RNF6: variants seen among roughly 807,000 people sequenced by gnomAD.
The protein encoded by RNF6 is E3 ubiquitin-protein ligase RNF6.
RNF6 carries 21 observed loss-of-function variants against 50.1 expected under a neutral mutation model. The ratio of observed to expected loss-of-function variants is 0.42; its 90% CI spans 0.30 to 0.60. RNF6 has a LOEUF of 0.60. RNF6 is among the 20% of genes least tolerant of loss of function. RNF6 has a pLI of 0.20. For missense variants in RNF6, 698 were observed against 838.2 expected, an observed-to-expected ratio of 0.83 and a Z score of 2.07; for synonymous variants, 255 against 291.8, an observed-to-expected ratio of 0.87 and a Z score of 1.29.
At chr13:26,203,372 G>A (rs1164137789) in intron 5 of RNF6, among the ~76,000 whole-genome samples, 1 of 152,256 alleles carries the variant, frequency 6.6e-6, no homozygotes, top group Admixed American at 6.5e-5. Flanking sequence ...TGGTTTGGGA[G>A]AGCAAAGGAG....
intron 5 of RNF6, among the ~76,000 whole-genome samples, chr13:26,137,990 C>G (rs1242575268): frequency 6.6e-6 from 1 of 152,072 alleles, no homozygotes; most frequent in Non-Finnish European, 1.5e-5. Context: ...AATCTACACA[C>G]CCAAGAAGCT....
At chr13:26,179,435 C>T (rs1337397135) in intron 5 of RNF6, among the ~76,000 whole-genome samples, 1 of 152,078 alleles carries the variant, frequency 6.6e-6, no homozygotes, top group African/African-American at 2.4e-5. Context: ...CTGAGAGACC[C>T]CAAAAGCACT....
upstream of RNF6, chr13:26,222,678 CAAGGT>C (rs1870636005): frequency 1.3e-5 from 2 of 152,268 alleles, no homozygotes; most frequent in Non-Finnish European, 2.9e-5. Flanking sequence ...CTATTTGAGA[CAAGGT>C]CTCATCCTGT....
chr13:26,177,287 C>T (rs1008109454), intron 5 of RNF6, among the ~76,000 whole-genome samples: 3 of 152,172 alleles, frequency 2.0e-5, no homozygotes, highest in African/African-American at 7.2e-5. Flanking sequence ...TCATTGACTC[C>T]CATTCACTCC....
At chr13:26,188,418 A>T (rs564411968) in intron 5 of RNF6, among the ~76,000 whole-genome samples, 1 of 152,298 alleles carries the variant, frequency 6.6e-6, no homozygotes, top group South Asian at 2.1e-4. Flanking sequence ...AAACGCACTG[A>T]TCACTGTTGA....
At chr13:26,198,561 G>C (rs1317825478) in intron 5 of RNF6, among the ~76,000 whole-genome samples, 2 of 151,818 alleles carry the variant, frequency 1.3e-5, no homozygotes, top group African/African-American at 4.9e-5. Flanking sequence ...AATAGTGAAA[G>C]ACTGAATGCT....
intron 5 of RNF6, among the ~76,000 whole-genome samples, chr13:26,179,274 A>G (rs901442160): frequency 2.0e-5 from 3 of 152,212 alleles, no homozygotes; most frequent in Non-Finnish European, 2.9e-5. Context: ...CACTCGCATA[A>G]CAAGTCAGGC....
intron 5 of RNF6, among the ~76,000 whole-genome samples, chr13:26,169,498 G>A (rs1402612237): frequency 7.2e-5 from 11 of 152,148 alleles, no homozygotes; most frequent in Non-Finnish European, 2.9e-5. Context: ...ACAGGCCCCT[G>A]ACCTACCTTT....
intron 5 of RNF6, among the ~76,000 whole-genome samples, chr13:26,162,988 A>G (rs1872278880): frequency 6.6e-6 from 1 of 152,246 alleles, no homozygotes. Flanking sequence ...AGATAATGAA[A>G]TCACACACTT....
At chr13:26,161,476 G>C (rs1872211029) in intron 5 of RNF6, among the ~76,000 whole-genome samples, 1 of 151,946 alleles carries the variant, frequency 6.6e-6, no homozygotes, top group Non-Finnish European at 1.5e-5. Context: ...CATTTATTTA[G>C]GTCCCCTTTG....
intron 5 of RNF6, among the ~76,000 whole-genome samples, chr13:26,205,653 C>G (rs1054705603): frequency 2.6e-5 from 4 of 152,220 alleles, no homozygotes; most frequent in African/African-American, 9.7e-5. Context: ...ACAAACAACT[C>G]TACTATCAAC....
At chr13:26,185,152 A>G (rs1187682111) in intron 5 of RNF6, among the ~76,000 whole-genome samples, 2 of 151,956 alleles carry the variant, frequency 1.3e-5, no homozygotes, top group African/African-American at 4.8e-5. Flanking sequence ...GCACACCACC[A>G]TGCCCGGCTA....
exon 6 of RNF6, chr13:26,132,441 T>C (rs768300834): frequency 2.2e-6 from 1 of 460,502 alleles, no homozygotes; most frequent in South Asian, 1.5e-5. Context: ...TCAGCTTGTA[T>C]CTGGCAAAGC....
At chr13:26,204,891 C>T (rs945621878) in intron 5 of RNF6, among the ~76,000 whole-genome samples, 5 of 152,098 alleles carry the variant, frequency 3.3e-5, no homozygotes, top group Admixed American at 6.5e-5. Flanking sequence ...CTGAATCTGC[C>T]GCTCTCTCTG....
At chr13:26,208,662 T>C (rs1162266134), downstream of RNF6, among the ~76,000 whole-genome samples, 1 of 152,196 alleles carries the variant, frequency 6.6e-6, no homozygotes, top group East Asian at 1.9e-4. Flanking sequence ...CAGGAACACC[T>C]AGTCATTCAG....
intron 5 of RNF6, among the ~76,000 whole-genome samples, chr13:26,140,747 A>G (rs1041336500): frequency 2.0e-5 from 3 of 152,200 alleles, no homozygotes; most frequent in African/African-American, 2.4e-5. Flanking sequence ...AAGACTAACA[A>G]AAAGCTCCTA....
chr13:26,220,661 T>C (rs572129684), intron 2 of RNF6, among the ~76,000 whole-genome samples: 159 of 152,312 alleles, frequency 1.0e-3, no homozygotes, highest in Non-Finnish European at 1.9e-3. Context: ...CCAGGTCTGC[T>C]GTTAAGAGCT....
intron 5 of RNF6, among the ~76,000 whole-genome samples, chr13:26,150,581 T>G (rs954475748): frequency 2.0e-5 from 3 of 152,178 alleles, no homozygotes; most frequent in African/African-American, 7.2e-5. Context: ...GATACTATCA[T>G]AGTTCTTATG....
At position 26,142,062 on chromosome 13, in the gene RNF6, G is replaced by T. The variant is rs301071; in HGVS notation, n.769-9611C>A. ...ACCCAAATAACCCCATTAAAACGTG[G>T]GCTAAGAACATGAACAGACACTTCT... On this transcript the variant is annotated intron_variant and non_coding_transcript_variant, in intron 5 of 5. Coordinates refer to the RNF6 transcript ENST00000468480. Among the ~76,000 whole-genome samples the T allele has an allele frequency of 8.5e-3, 1,293 of 152,064 alleles. 21 individuals carry two copies. Among genetic ancestry groups the T allele is most frequent in the African/African-American group, 0.029 (1,221 of 41,498 alleles).
Sources: allele counts gnomAD v4.1 joint callset (sites outside exome capture counted in the v4.1 genomes callset), GRCh38; gene constraint gnomAD v4.1.1; transcripts MANE v1.5; gene names NCBI Gene and HGNC (gene_info 2026-07-23, HGNC 2026-07-21).